SYNJ2: variants seen among roughly 807,000 people sequenced by gnomAD.
SYNJ2 encodes synaptojanin 2, also known as polyphosphatidylinositol phosphatase SYNJ2.
A neutral mutation model predicts 141.3 loss-of-function variants in SYNJ2; 116 were observed. The ratio of observed to expected loss-of-function variants is 0.82; its 90% CI spans 0.71 to 0.96. The LOEUF (loss-of-function observed/expected upper bound fraction) is 0.96, where lower values mean the gene tolerates loss of function less well. Ranked by LOEUF, SYNJ2 falls within the 40% of genes least tolerant of loss-of-function variation. SYNJ2 has a pLI of 0.00. For missense variants in SYNJ2, 1,873 were observed against 1,934.8 expected, an observed-to-expected ratio of 0.97 and a Z score of 0.60; for synonymous variants, 745 against 777.7, an observed-to-expected ratio of 0.96 and a Z score of 0.70.
chr6:158,019,134 A>C (rs1381641147), intron 2 of SYNJ2, among the ~76,000 whole-genome samples: 2 of 152,184 alleles, frequency 1.3e-5, no homozygotes, highest in African/African-American at 4.8e-5. Flanking sequence ...AGGATGCCTC[A>C]CAGTCTTGGC....
rs769519988 is a variant in SYNJ2, at chr6:158,076,645, A to G, written c.2312A>G (p.Glu771Gly). 10 of 1,613,384 alleles carry G rather than the reference A, an allele frequency of 6.2e-6. No individual in the cohort carries two copies. The Admixed American group carries it at 1.7e-4, about 27-fold the overall frequency. ...SSGKIFKDFHEGAINFGPTYK... is the reference protein window; with the variant it reads ...SSGKIFKDFHGGAINFGPTYK... ...CAATAGATTTTTAAGGACTTTCACG[A>G]AGGAGCCATTAACTTTGGACCCACC... is the stretch of plus-strand genomic sequence containing the variant. The change falls in exon 17 of 27, where the codon GAA becomes GGA. Residue 771 changes from glutamate (E) to glycine (G), a missense_variant. Coordinates refer to ENST00000355585, the MANE Select transcript of SYNJ2 (RefSeq NM_003898.4).
At chr6:158,012,741 G>A (rs1224171477) in intron 1 of SYNJ2, among the ~76,000 whole-genome samples, 1 of 152,190 alleles carries the variant, frequency 6.6e-6, no homozygotes, top group African/African-American at 2.4e-5. Flanking sequence ...GAGGCAGGCT[G>A]ATGGAAAAGG....
At chr6:158,034,588 A>G (rs1279176181) in intron 4 of SYNJ2, among the ~76,000 whole-genome samples, 4 of 152,194 alleles carry the variant, frequency 2.6e-5, no homozygotes, top group South Asian at 2.1e-4. Context: ...CAGAGTCCCC[A>G]CTCAGAGGAA....
At chr6:158,010,858 T>C (rs1778238749) in intron 1 of SYNJ2, among the ~76,000 whole-genome samples, 1 of 132,794 alleles carries the variant, frequency 7.5e-6, no homozygotes, top group African/African-American at 3.0e-5. Context: ...CAGGGGGATG[T>C]CAGGAGAGGA....
chr6:158,068,767 T>G (rs768402227), intron 13 of SYNJ2, 39 bp downstream of exon 13: 23 of 1,607,198 alleles, frequency 1.4e-5, no homozygotes, highest in Non-Finnish European at 1.9e-5. Flanking sequence ...AGGGACTTCC[T>G]GAGTCAGGTG....
At chr6:158,054,908 A>G (rs1780780204) in intron 5 of SYNJ2, 59 bp from the exon 6 acceptor site, 3 of 1,579,560 alleles carry the variant, frequency 1.9e-6, no homozygotes, top group Non-Finnish European at 2.6e-6. Context: ...GGGAAAAACC[A>G]TGGCCTCCTT....
intron 1 of SYNJ2, among the ~76,000 whole-genome samples, chr6:158,011,197 G>A (rs2128324983): frequency 6.6e-6 from 1 of 152,282 alleles, no homozygotes; most frequent in African/African-American, 2.4e-5. Flanking sequence ...ACTGGAGTGA[G>A]GAAGTCATAA....
intron 3 of SYNJ2, among the ~76,000 whole-genome samples, chr6:158,031,411 A>T (rs1779353926): frequency 6.6e-6 from 1 of 152,210 alleles, no homozygotes; most frequent in South Asian, 2.1e-4. Flanking sequence ...GGAGGCTGAG[A>T]GGAGCTTTGG....
chr6:158,020,025 T>C (rs1778673230), intron 2 of SYNJ2, among the ~76,000 whole-genome samples: 1 of 151,742 alleles, frequency 6.6e-6, no homozygotes, highest in Admixed American at 6.6e-5. Flanking sequence ...GCTACAACTG[T>C]GTGACCCCAC....
chr6:158,032,157 C>T (rs975125504), intron 3 of SYNJ2, among the ~76,000 whole-genome samples: 3 of 151,280 alleles, frequency 2.0e-5, no homozygotes, highest in African/African-American at 2.4e-5. Flanking sequence ...TGTGACTGTG[C>T]GACCTCAGAC....
In SYNJ2 at chr6:158,070,231, C is replaced by T; in HGVS notation, c.1940+558C>T. ...CTTTTCCCCAGCTTGTGGTTGGCCTCATCTTACCACCTGGGCCTACCCATG... is the reference window on the plus strand; with the variant it reads ...CTTTTCCCCAGCTTGTGGTTGGCCTTATCTTACCACCTGGGCCTACCCATG... On this transcript the variant is annotated intron_variant, in intron 14 of 26. Coordinates refer to ENST00000355585, the MANE Select transcript of SYNJ2 (RefSeq NM_003898.4). This position sits in a 1 kb window ranked among gnomAD's most constrained non-coding sequence, Gnocchi z 4.0. 2.0e-6 allele frequency: 2 copies of T among 985,478 alleles called. No homozygotes were observed. The highest frequency in any genetic ancestry group is 2.4e-6 in the Non-Finnish European group (2 of 830,014). 61.0% of individuals were successfully genotyped at this position (985,478 alleles called of 1,614,324 possible).
chr6:158,078,073 C>T lies in SYNJ2; in HGVS notation c.2450-91C>T. On this transcript the variant is annotated intron_variant, in intron 17 of 26. Coordinates refer to ENST00000355585, the MANE Select transcript of SYNJ2 (RefSeq NM_003898.4). ...GTCTGGGACGTGGGGTGGTTCGTGG[C>T]GCAGACCTCTATTGTGGAAGTGTCA... The T allele has an allele frequency of 6.0e-6, 5 of 836,780 alleles. No homozygotes were observed. In the South Asian group the frequency reaches 6.2e-5, roughly 10 times the overall value. The allele number at this position is 836,780 out of a possible 1,614,324, so 51.8% of individuals were successfully genotyped here. A position where few individuals can be genotyped will look rare whatever the true frequency, so the allele number is the denominator to read the frequency against.
chr6:158,081,349 G>A (rs1420374325), intron 19 of SYNJ2, 22 bp downstream of exon 19: 3 of 1,612,992 alleles, frequency 1.9e-6, no homozygotes, highest in Admixed American at 1.7e-5. Context: ...CCTGGCTGAT[G>A]TGGGTTCCAG....
At position 158,096,430 on chromosome 6, in the gene SYNJ2, C is replaced by G; in HGVS notation, c.*66C>G. 1 of 1,493,236 alleles carries G rather than the reference C, an allele frequency of 6.7e-7. No individual in the cohort carries two copies. The highest frequency in any genetic ancestry group is 1.4e-5 in the South Asian group (1 of 73,846). The allele number at this position is 1,493,236 out of a possible 1,614,324, so 92.5% of individuals were successfully genotyped here. On this transcript the variant is annotated 3_prime_UTR_variant, in exon 27 of 27. Transcript: ENST00000355585. ...CTTCCTCCCTCTAGACATCCCTCCACCAGAAGAGACATCTATTTAAAGGCA... is the reference window on the plus strand; with the variant it reads ...CTTCCTCCCTCTAGACATCCCTCCAGCAGAAGAGACATCTATTTAAAGGCA...
chr6:158,017,403 T>G, intron 2 of SYNJ2, 113 bp downstream of exon 2: 1 of 1,014,436 alleles, frequency 9.9e-7, no homozygotes, highest in Non-Finnish European at 1.3e-6. Flanking sequence ...TCTCTCTCTC[T>G]TCTTTTTTTT....
In SYNJ2 at chr6:158,055,025, A is replaced by T; in HGVS notation, c.854A>T (p.Asp285Val). 6.2e-7 allele frequency: 1 copy of T among 1,613,816 alleles called. No homozygotes were observed. The change falls in exon 6 of 27, where the codon GAC (aspartate) becomes GTC (valine). Residue 285 changes from aspartate (D) to valine (V), a missense_variant. Transcript: ENST00000355585. ...CTGGAAGCCAATGCCCCTGCTTTCG[A>T]CAGGTAGGGATTGTCTGACACCATC... ...RGLEANAPAF[D>V]RHMVLLKEQY...
chr6:158,089,520 A>G (rs1230164119), intron 24 of SYNJ2, among the ~76,000 whole-genome samples: 2 of 152,206 alleles, frequency 1.3e-5, no homozygotes, highest in African/African-American at 4.8e-5. Context: ...CAGTGGGACC[A>G]TGGAAAGAGT....
chr6:158,064,054 G>A (rs1223899157), intron 9 of SYNJ2, among the ~76,000 whole-genome samples, 182 bp downstream of exon 9: 2 of 152,338 alleles, frequency 1.3e-5, no homozygotes, highest in Non-Finnish European at 2.9e-5. Flanking sequence ...CCAGGAGGCT[G>A]CTTTCTCTGT....
intron 13 of SYNJ2, 93 bp from the exon 14 acceptor site, chr6:158,069,440 A>G: frequency 6.8e-7 from 1 of 1,468,518 alleles, no homozygotes; most frequent in Non-Finnish European, 9.2e-7. Flanking sequence ...CAGTTCTGCA[A>G]ACAGAATAGG....
Sources: gnomAD v4.1 joint callset for allele counts (sites outside exome capture counted in the v4.1 genomes callset) on GRCh38, gnomAD v4.1.1 for gene constraint, Gnocchi (gnomAD v3.1) non-coding constraint, MANE v1.5 for transcripts, NCBI Gene and HGNC (gene_info 2026-07-23, HGNC 2026-07-21) for gene names.